TNRC6C: variants seen among roughly 807,000 people sequenced by gnomAD.
The protein encoded by TNRC6C is trinucleotide repeat-containing gene 6C protein.
TNRC6C carries 20 observed loss-of-function variants against 153.7 expected under a neutral mutation model. The ratio of observed to expected loss-of-function variants is 0.13; its 90% CI spans 0.09 to 0.19. The LOEUF is 0.19. Ranked by LOEUF, TNRC6C falls within the 10% of genes least tolerant of loss-of-function variation. The probability of loss-of-function intolerance (pLI) is 1.00; values close to 1 mark genes in which losing one functional copy is unlikely to be tolerated. For synonymous variants in TNRC6C, 811 were observed against 841.4 expected (o/e 0.96, Z 0.63); for missense variants, 1,987 against 2,172.0 (o/e 0.91, Z 1.69).
exon 6 of TNRC6C, chr17:78,071,121 A>T: frequency 6.2e-6 from 10 of 1,607,570 alleles, no homozygotes; most frequent in Non-Finnish European, 8.5e-6. Flanking sequence ...TGAGGCCTGG[A>T]TCATGAGCCG....
At chr17:78,038,281 C>T (rs368322296) in intron 2 of TNRC6C, among the ~76,000 whole-genome samples, 15 of 152,064 alleles carry the variant, frequency 9.9e-5, no homozygotes, top group African/African-American at 3.1e-4. Flanking sequence ...CCAAGTGTTC[C>T]GACAAATCAA....
rs371176504 is a variant in TNRC6C at position 78,077,211 on chromosome 17, G to A, written c.3087G>A (p.Thr1029=). 9 of 1,602,278 alleles carry A rather than the reference G, an allele frequency of 5.6e-6. No homozygotes were observed. In the East Asian group the frequency reaches 6.7e-5, roughly 12 times the overall value. Residue 1029 remains threonine, a synonymous_variant, in exon 9 of 20, where the codon ACG becomes ACA. Transcript: ENST00000301624. ...ATGGCGGCCTCGTGGAAGAGCCCACGCCTTCACCGTTCTTGCCTTCCCCAA... is the reference window on the plus strand; with the variant it reads ...ATGGCGGCCTCGTGGAAGAGCCCACACCTTCACCGTTCTTGCCTTCCCCAA...
chr17:78,051,158 T>C, exon 3 of TNRC6C: 1 of 1,576,182 alleles, frequency 6.3e-7, no homozygotes. Context: ...CCGGTACCGG[T>C]CAAACAGAAG....
chr17:77,988,390 C>T (rs2071202860), intron 1 of TNRC6C, among the ~76,000 whole-genome samples: 1 of 152,088 alleles, frequency 6.6e-6, no homozygotes, highest in Non-Finnish European at 1.5e-5. Context: ...CACACACACA[C>T]ATTTTCCAGC....
chr17:78,028,444 A>G (rs990462236), intron 1 of TNRC6C, among the ~76,000 whole-genome samples: 4 of 152,194 alleles, frequency 2.6e-5, no homozygotes, highest in African/African-American at 4.8e-5. Flanking sequence ...TGCATGTCAC[A>G]TGATTTTCTT....
At chr17:78,056,765 C>T (rs984600302) in intron 3 of TNRC6C, among the ~76,000 whole-genome samples, 1 of 152,088 alleles carries the variant, frequency 6.6e-6, no homozygotes, top group Non-Finnish European at 1.5e-5. Flanking sequence ...ACGCCTGGCC[C>T]AGAAACTACT....
chr17:78,068,988 C>T (rs187287951), intron 5 of TNRC6C, among the ~76,000 whole-genome samples: 12 of 152,052 alleles, frequency 7.9e-5, no homozygotes, highest in African/African-American at 2.9e-4. Context: ...CATGAAAGAA[C>T]ATTAAAAACA....
intron 2 of TNRC6C, among the ~76,000 whole-genome samples, chr17:78,048,258 AT>A (rs2072448870): frequency 6.6e-6 from 1 of 152,086 alleles, no homozygotes; most frequent in Non-Finnish European, 1.5e-5. Flanking sequence ...AATCCTTAGT[AT>A]TTTTGATAAC....
At chr17:77,971,035 TG>T (rs1250780015) in intron 1 of TNRC6C, among the ~76,000 whole-genome samples, 6 of 151,644 alleles carry the variant, frequency 4.0e-5, no homozygotes, top group African/African-American at 1.5e-4. Context: ...AAAAAGTAGG[TG>T]GGGGGTATAA....
chr17:78,065,051 A>T, intron 4 of TNRC6C, 114 bp downstream of exon 6: 1 of 1,251,902 alleles, frequency 8.0e-7, no homozygotes, highest in Non-Finnish European at 1.1e-6. Flanking sequence ...CACTTTAACT[A>T]CAAACCAAGA....
At chr17:78,090,871 A>G (rs937830271) in intron 13 of TNRC6C, among the ~76,000 whole-genome samples, 4 of 152,260 alleles carry the variant, frequency 2.6e-5, no homozygotes, top group African/African-American at 7.2e-5. Context: ...GTAGAACTGA[A>G]TTATCCTATC....
chr17:78,006,492 T>TTTCTTCTCCTTC (rs2071500740), intron 1 of TNRC6C, among the ~76,000 whole-genome samples: 1 of 110,416 alleles, frequency 9.1e-6, no homozygotes, highest in East Asian at 2.7e-4. Flanking sequence ...CTTCTTCTTC[T>TTTCTTCTCCTTC]TTCTTCTTCT....
rs189804687 is a variant in TNRC6C, at chr17:77,997,130, T to C, written c.-37-7040T>C. 4.0e-3 allele frequency among the ~76,000 whole-genome samples: 610 copies of C among 152,260 alleles called. 3 individuals are homozygous for C. The highest frequency in any genetic ancestry group is 0.014 in the African/African-American group (585 of 41,542). ...AAAAGGTGAGAGGCCAAGAGACGCG[T>C]TTCTTAAGAAGCGTGGTCAGTTCAG... On this transcript the variant is annotated intron_variant, in intron 1 of 22. Coordinates refer to the TNRC6C transcript ENST00000636222.
intron 1 of TNRC6C, among the ~76,000 whole-genome samples, chr17:77,976,271 A>G (rs2070996568): frequency 6.6e-6 from 1 of 152,226 alleles, no homozygotes; most frequent in African/African-American, 2.4e-5. Flanking sequence ...TATCATAGAC[A>G]TGACTATAGT....
chr17:78,025,094 A>G (rs2071914627), intron 1 of TNRC6C, among the ~76,000 whole-genome samples: 1 of 152,138 alleles, frequency 6.6e-6, no homozygotes, highest in Admixed American at 6.5e-5. Flanking sequence ...CCCGGCCAAT[A>G]CATTATTATT....
At chr17:78,000,006 G>A (rs1030236043), upstream of TNRC6C, among the ~76,000 whole-genome samples, 2 of 152,320 alleles carry the variant, frequency 1.3e-5, no homozygotes, top group Non-Finnish European at 2.9e-5. Context: ...GAAATCAGAA[G>A]ACCATAGAGT....
At position 78,104,856 on chromosome 17, in the gene TNRC6C, C is replaced by T. The variant is rs372356057; in HGVS notation, c.*11C>T. On this transcript the variant is annotated 3_prime_UTR_variant, in exon 20 of 20. Transcript: ENST00000301624. This position sits in a 1 kb window ranked among gnomAD's most constrained non-coding sequence, Gnocchi z 6.2. ...GGGGAGTCCCTGTAGGCTCTGCCAT[C>T]ATCAGCACCAGGAGAGCCGACCCCT... 2,854 of 1,416,168 alleles carry T rather than the reference C, an allele frequency of 2.0e-3. 2 individuals are homozygous for T. The highest frequency in any genetic ancestry group is 2.5e-3 in the Non-Finnish European group (2,747 of 1,089,168). The allele number at this position is 1,416,168 out of a possible 1,614,324, so 87.7% of individuals were successfully genotyped here.
chr17:78,050,142 A>C (rs1364079689), exon 3 of TNRC6C: 1 of 1,596,238 alleles, frequency 6.3e-7, no homozygotes, highest in Non-Finnish European at 8.5e-7. Flanking sequence ...GGAAAGGATC[A>C]ACAGGGTGGG....
At chr17:77,976,244 T>G (rs2070996045) in intron 1 of TNRC6C, among the ~76,000 whole-genome samples, 1 of 151,910 alleles carries the variant, frequency 6.6e-6, no homozygotes, top group Non-Finnish European at 1.5e-5. Flanking sequence ...TTCAAAGAAG[T>G]GAGTCAAATT....
Sources: allele counts gnomAD v4.1 joint callset (sites outside exome capture counted in the v4.1 genomes callset), GRCh38; gene constraint gnomAD v4.1.1; non-coding constraint Gnocchi (gnomAD v3.1); transcripts MANE v1.5; gene names NCBI Gene and HGNC (gene_info 2026-07-23, HGNC 2026-07-21).